Variants in ABHD3 observed in about 807,000 individuals in gnomAD.
The protein encoded by ABHD3 is phospholipase ABHD3.
ABHD3 carries 46 observed loss-of-function variants against 48.8 expected under a neutral mutation model. That is an observed-to-expected ratio of 0.94 (90% CI 0.74 to 1.20). ABHD3 has a LOEUF of 1.20. ABHD3 is among the 50% of genes most tolerant of loss of function. ABHD3 has a pLI of 0.00. For missense variants in ABHD3, 490 were observed against 497.8 expected (o/e 0.98, Z 0.15); for synonymous variants, 192 against 183.7 (o/e 1.04, Z -0.36).
chr18:21,661,977 TTGTG>T (rs1388597663), intron 5 of ABHD3: 2 of 149,536 alleles, frequency 1.3e-5, no homozygotes, highest in Non-Finnish European at 3.0e-5. Flanking sequence ...TGGCCTTTTT[TTGTG>T]TGTGTGAGAC....
At chr18:21,675,897 A>G (rs1196166469) in intron 4 of ABHD3, among the ~76,000 whole-genome samples, 2 of 152,208 alleles carry the variant, frequency 1.3e-5, no homozygotes, top group Non-Finnish European at 2.9e-5. Flanking sequence ...TCAGTTACAC[A>G]GGAGGCATAA....
rs185352629 is a variant in ABHD3 at position 21,667,266 on chromosome 18, C to T, written c.556-3036G>A. ...TTTTTTTTTTTTTTTTTTTTTGAGA[C>T]GGAGTTTCCCTGCTGTTGCCCAGGC... is the stretch of plus-strand genomic sequence containing the variant. On this transcript the variant is annotated intron_variant, in intron 4 of 8. Transcript: ENST00000289119. Among the ~76,000 whole-genome samples, 121 of 90,354 alleles carry T rather than the reference C, an allele frequency of 1.3e-3. No individual in the cohort carries two copies. In the East Asian group the frequency reaches 0.016, roughly 12 times the overall value. The allele number at this position is 90,354 out of a possible 152,430, so 59.3% of individuals were successfully genotyped here. A position where few individuals can be genotyped will look rare whatever the true frequency, so the allele number is the denominator to read the frequency against.
At position 21,704,508 on chromosome 18, in the gene ABHD3, G is replaced by T. The variant is rs1386670438; in HGVS notation, c.158C>A (p.Ala53Asp). The T allele has an allele frequency of 6.9e-7, 1 of 1,458,030 alleles. No individual in the cohort carries two copies. The highest frequency in any genetic ancestry group is 2.5e-5 in the Admixed American group (1 of 39,306). The allele number at this position is 1,458,030 out of a possible 1,614,324, so 90.3% of individuals were successfully genotyped here. A position where few individuals can be genotyped will look rare whatever the true frequency, so the allele number is the denominator to read the frequency against. Residue 53 changes from alanine (A) to aspartate (D), a missense_variant, in exon 1 of 9, where the codon GCC (alanine) becomes GAC (aspartate). By Grantham distance (126) the Ala-to-Asp change is moderately radical. Coordinates refer to ENST00000289119, the MANE Select transcript of ABHD3 (RefSeq NM_138340.5). ...AYAFYYLSSIAKKPQLVTGGE... is the reference protein window; with the variant it reads ...AYAFYYLSSIDKKPQLVTGGE... The stretch of plus-strand genomic sequence containing the variant: ...CCTGCGCCACCCCCGGCTCACCTTG[G>T]CAATGCTGCTCAGGTAGTAGAAGGC...
chr18:21,675,404 G>C (rs1486446372), intron 4 of ABHD3, among the ~76,000 whole-genome samples: 1 of 151,792 alleles, frequency 6.6e-6, no homozygotes. Flanking sequence ...GAGCAGCTGG[G>C]ACTACAGGCG....
intron 3 of ABHD3, chr18:21,701,810 A>C (rs2040519429): frequency 6.6e-6 from 1 of 152,252 alleles, no homozygotes; most frequent in African/African-American, 2.4e-5. Flanking sequence ...AGCCAAGTGC[A>C]CCTGCAAACT....
In ABHD3 at chr18:21,680,880, G is replaced by GTA. The variant is rs781349840; in HGVS notation, c.555+3038_555+3039dup. The stretch of plus-strand genomic sequence containing the variant: ...TGTGTGTGTGTGTGTGTGTGTGTGT[G>GTA]TATATATATATACACACACACATAT... On this transcript the variant is annotated intron_variant, in intron 4 of 8. Coordinates refer to ENST00000289119, the MANE Select transcript of ABHD3 (RefSeq NM_138340.5). Among the ~76,000 whole-genome samples, 183 of 147,288 alleles carry GTA rather than the reference G, an allele frequency of 1.2e-3. 1 individual carries two copies. The highest frequency in any genetic ancestry group is 0.011 in the East Asian group (54 of 4,948).
chr18:21,669,213 G>A (rs1203774240), intron 4 of ABHD3, among the ~76,000 whole-genome samples: 1 of 152,036 alleles, frequency 6.6e-6, no homozygotes, highest in Non-Finnish European at 1.5e-5. Context: ...GTCTCAAAAT[G>A]AGTAAATAAA....
intron 3 of ABHD3, among the ~76,000 whole-genome samples, chr18:21,689,488 G>A (rs1370413458): frequency 3.6e-5 from 5 of 139,884 alleles, no homozygotes; most frequent in Non-Finnish European, 7.5e-5. Context: ...GGCGGAGTTT[G>A]CAGTGAGCCA....
At chr18:21,697,819 A>C (rs115733956) in intron 3 of ABHD3, among the ~76,000 whole-genome samples, 1 of 152,208 alleles carries the variant, frequency 6.6e-6, no homozygotes, top group Non-Finnish European at 1.5e-5. Context: ...GTTAGTTTTC[A>C]GGTAGAGGGG....
intron 4 of ABHD3, among the ~76,000 whole-genome samples, chr18:21,674,737 G>A (rs932918902): frequency 6.6e-6 from 1 of 152,160 alleles, no homozygotes; most frequent in Non-Finnish European, 1.5e-5. Flanking sequence ...GGGCCGACTT[G>A]GGTGCAACAA....
chr18:21,651,619 A>G lies in ABHD3; in HGVS notation c.1202T>C (p.Met401Thr), dbSNP rs1329552885. Residue 401 changes from methionine (M) to threonine (T), a missense_variant, in exon 9 of 9, where the codon ATG becomes ACG. Coordinates refer to ENST00000289119, the MANE Select transcript of ABHD3 (RefSeq NM_138340.5). ...AGAGAGTTCATGTCCATGCTCAACC[A>G]TGGCTTGCACAAATTGCTTGAAGAC... ...DRVFKQFVQA[M>T]VEHGHELS 5.0e-6 allele frequency: 8 copies of G among 1,614,042 alleles called. No individual in the cohort carries two copies. Among genetic ancestry groups the G allele is most frequent in the Non-Finnish European group, 5.9e-6 (7 of 1,180,028 alleles).
intron 3 of ABHD3, among the ~76,000 whole-genome samples, chr18:21,695,249 C>T (rs964034364): frequency 5.9e-5 from 9 of 152,154 alleles, no homozygotes; most frequent in African/African-American, 1.7e-4. Flanking sequence ...AGGCTGGTTT[C>T]GAACTCTTGT....
chr18:21,696,810 C>A (rs2040380303), intron 3 of ABHD3, among the ~76,000 whole-genome samples: 1 of 152,004 alleles, frequency 6.6e-6, no homozygotes, highest in South Asian at 2.1e-4. Flanking sequence ...CTCAAGCAAT[C>A]CTCCTGCCTT....
intron 3 of ABHD3, among the ~76,000 whole-genome samples, chr18:21,697,098 CAG>C (rs2040388159): frequency 6.7e-6 from 1 of 148,336 alleles, no homozygotes; most frequent in African/African-American, 2.5e-5. Flanking sequence ...TTTTTTGAGC[CAG>C]AGTCTCACTC....
chr18:21,689,473 C>T (rs1435978622), intron 3 of ABHD3, among the ~76,000 whole-genome samples: 5 of 135,222 alleles, frequency 3.7e-5, no homozygotes, highest in Admixed American at 8.5e-5. Context: ...TGCTTGAATC[C>T]GGGAGGCGGA....
At chr18:21,697,646 G>C (rs891006423) in intron 3 of ABHD3, among the ~76,000 whole-genome samples, 2 of 152,220 alleles carry the variant, frequency 1.3e-5, no homozygotes, top group Non-Finnish European at 2.9e-5. Flanking sequence ...CTCCCAAGGT[G>C]CTGGGATAAG....
intron 3 of ABHD3, among the ~76,000 whole-genome samples, chr18:21,700,571 G>T (rs1735805078): frequency 6.6e-6 from 1 of 151,086 alleles, no homozygotes; most frequent in Non-Finnish European, 1.5e-5. Flanking sequence ...GCTAATTTTT[G>T]TATTTTTTAG....
At position 21,667,147 on chromosome 18, in the gene ABHD3, G is replaced by A. The variant is rs999097862; in HGVS notation, c.556-2917C>T. ...GGAGTGCAGTGGTGCGATCTCGGCT[G>A]ACTGCAAGCTCTGCCTCCTGGGTTC... On this transcript the variant is annotated intron_variant, in intron 4 of 8. Transcript: ENST00000289119. Among the ~76,000 whole-genome samples the A allele has an allele frequency of 2.7e-5, 4 of 147,782 alleles. No homozygotes were observed. In the Admixed American group the frequency reaches 2.7e-4, roughly 10 times the overall value.
At chr18:21,690,996 CAAAAAAAA>C (rs34425997) in intron 3 of ABHD3, among the ~76,000 whole-genome samples, 4 of 63,228 alleles carry the variant, frequency 6.3e-5, no homozygotes, top group Non-Finnish European at 9.3e-5. Flanking sequence ...GACTCTGTCT[CAAAAAAAA>C]AAAAAAAAAA....
Sources: gnomAD v4.1 joint callset for allele counts (sites outside exome capture counted in the v4.1 genomes callset) on GRCh38, gnomAD v4.1.1 for gene constraint, MANE v1.5 for transcripts, NCBI Gene and HGNC (gene_info 2026-07-23, HGNC 2026-07-21) for gene names.